The following PDCL3 variants were observed in gnomAD, a reference collection of about 807,000 sequenced individuals.
PDCL3 encodes phosducin-like protein 3.
A neutral mutation model predicts 26.5 loss-of-function variants in PDCL3; 22 were observed. That is an observed-to-expected ratio of 0.83 (90% CI 0.59 to 1.19). The LOEUF is 1.19. PDCL3 is among the 50% of genes most tolerant of loss of function. PDCL3 has a pLI of 0.00. For synonymous variants in PDCL3, 81 were observed against 104.9 expected, an observed-to-expected ratio of 0.77 and a Z score of 1.39; for missense variants, 246 against 294.1, an observed-to-expected ratio of 0.84 and a Z score of 1.20.
chr2:100,565,431 C>T (rs1355297628), intron 1 of PDCL3, among the ~76,000 whole-genome samples: 2 of 151,974 alleles, frequency 1.3e-5, no homozygotes, highest in Admixed American at 6.6e-5. Flanking sequence ...CCCGCCACCA[C>T]GCCCGGCTAA....
chr2:100,574,923 G>A (rs370278950), intron 5 of PDCL3, among the ~76,000 whole-genome samples: 27 of 152,234 alleles, frequency 1.8e-4, no homozygotes, highest in African/African-American at 5.3e-4. Flanking sequence ...GCAACATAGC[G>A]AGATCCCATG....
intron 5 of PDCL3, 86 bp downstream of exon 5, chr2:100,571,884 T>C (rs1357006871): frequency 1.5e-6 from 2 of 1,338,906 alleles, no homozygotes; most frequent in Non-Finnish European, 2.1e-6. Context: ...GGACTCCTGT[T>C]ACGATGGTGG....
chr2:100,568,001 G>C (rs891449509), intron 2 of PDCL3, among the ~76,000 whole-genome samples: 2 of 151,926 alleles, frequency 1.3e-5, no homozygotes, highest in Non-Finnish European at 2.9e-5. Flanking sequence ...TTTTTGTAGC[G>C]ATGAGGTTTC....
chr2:100,567,310 A>T (rs941658026), intron 2 of PDCL3, among the ~76,000 whole-genome samples: 1 of 152,220 alleles, frequency 6.6e-6, no homozygotes, highest in African/African-American at 2.4e-5. Context: ...TTACTGCATG[A>T]TTATCATTGT....
At chr2:100,575,217 G>C (rs1372529962) in intron 5 of PDCL3, among the ~76,000 whole-genome samples, 1 of 152,146 alleles carries the variant, frequency 6.6e-6, no homozygotes, top group Non-Finnish European at 1.5e-5. Flanking sequence ...CTCACTGCAA[G>C]CTCCGCCTCC....
chr2:100,570,658 A>G (rs1022136316), intron 4 of PDCL3, among the ~76,000 whole-genome samples: 1 of 151,694 alleles, frequency 6.6e-6, no homozygotes, highest in African/African-American at 2.4e-5. Flanking sequence ...TTGTATTTTT[A>G]GTAGAGACGG....
At chr2:100,567,828 TTG>T (rs1030266705) in intron 2 of PDCL3, among the ~76,000 whole-genome samples, 17 of 149,986 alleles carry the variant, frequency 1.1e-4, no homozygotes, top group East Asian at 1.9e-4. Flanking sequence ...TTTCTCTTTT[TTG>T]TTTTTTTTTT....
chr2:100,571,114 CA>C lies in PDCL3; in HGVS notation c.369-458del, dbSNP rs59012685. ...GCAACGTGGTGAAACCCTGTCTTTA[CA>C]AAAAAAAAAAAAAAAAATCAGCTGG... On this transcript the variant is annotated intron_variant, in intron 4 of 5. Transcript: ENST00000264254. Among the ~76,000 whole-genome samples the C allele has an allele frequency of 2.6e-3, 288 of 109,062 alleles. 2 individuals carry two copies. Among genetic ancestry groups the C allele is most frequent in the Middle Eastern group, 9.4e-3 (2 of 212 alleles). 71.5% of individuals were successfully genotyped at this position (109,062 alleles called of 152,430 possible).
chr2:100,572,909 G>C (rs1675207710), intron 5 of PDCL3, among the ~76,000 whole-genome samples: 1 of 151,576 alleles, frequency 6.6e-6, no homozygotes, highest in South Asian at 2.1e-4. Flanking sequence ...TTTTGAGATG[G>C]AGTTTTGCTC....
In PDCL3 at chr2:100,569,037, A is replaced by G; in HGVS notation, c.224+16A>G. On this transcript the variant is annotated intron_variant, in intron 3 of 5. Transcript: ENST00000264254. Reference sequence around the variant, plus strand: ...AAATGTACAGGTAAGCGCCACCCAGAGGGGCTGTTTGTTTTTTTGTTGTTG... The same window carrying G: ...AAATGTACAGGTAAGCGCCACCCAGGGGGGCTGTTTGTTTTTTTGTTGTTG... 6.3e-7 allele frequency: 1 copy of G among 1,586,656 alleles called. No individual in the cohort carries two copies. The highest frequency in any genetic ancestry group is 1.9e-5 in the Admixed American group (1 of 52,138).
intron 2 of PDCL3, among the ~76,000 whole-genome samples, 176 bp from the exon 3 acceptor site, chr2:100,568,755 A>G (rs1239731473): frequency 6.6e-6 from 1 of 152,100 alleles, no homozygotes; most frequent in Non-Finnish European, 1.5e-5. Flanking sequence ...GTGAGCCACC[A>G]TGCCTGGCCT....
Position 100,562,996 on chromosome 2 carries a change from C to G in PDCL3, c.-72C>G. The G allele has an allele frequency of 6.4e-7, 1 of 1,561,456 alleles. No individual in the cohort carries two copies. Among genetic ancestry groups the G allele is most frequent in the Non-Finnish European group, 8.7e-7 (1 of 1,152,778 alleles). On this transcript the variant is annotated 5_prime_UTR_variant, in exon 1 of 6. Coordinates refer to ENST00000264254, the MANE Select transcript of PDCL3 (RefSeq NM_024065.5). ...GGAAGAGGCGTGGCGGCGCTGTGCG[C>G]GTGCACAAAAGAGAGCTGAGGGGCG...
chr2:100,574,904 C>A (rs1416690536), intron 5 of PDCL3, among the ~76,000 whole-genome samples: 1 of 152,136 alleles, frequency 6.6e-6, no homozygotes, highest in Admixed American at 6.6e-5. Flanking sequence ...GAGTTTGAGA[C>A]CAGCCTGGGC....
chr2:100,572,175 C>T (rs1675191153), intron 5 of PDCL3: 1 of 231,146 alleles, frequency 4.3e-6, no homozygotes, highest in South Asian at 6.6e-5. Context: ...CAGAAACATT[C>T]TCAGTTGAGT....
chr2:100,566,322 G>C (rs1487257388), intron 1 of PDCL3, among the ~76,000 whole-genome samples, 181 bp from the exon 2 acceptor site: 1 of 152,164 alleles, frequency 6.6e-6, no homozygotes, highest in Non-Finnish European at 1.5e-5. Context: ...TCCATTCAGG[G>C]AGGGGTAGAC....
At chr2:100,566,183 G>A (rs1675056336) in intron 1 of PDCL3, among the ~76,000 whole-genome samples, 3 of 150,166 alleles carry the variant, frequency 2.0e-5, no homozygotes, top group South Asian at 2.2e-4. Context: ...GATTACAGGC[G>A]TGAGCCACTG....
intron 4 of PDCL3, among the ~76,000 whole-genome samples, chr2:100,570,325 C>G (rs1156393203): frequency 6.6e-6 from 1 of 152,142 alleles, no homozygotes; most frequent in Non-Finnish European, 1.5e-5. Context: ...GACATTTCAA[C>G]ATTCTATGTA....
chr2:100,566,239 A>C (rs1233512982), intron 1 of PDCL3, among the ~76,000 whole-genome samples: 1 of 152,178 alleles, frequency 6.6e-6, no homozygotes, highest in African/African-American at 2.4e-5. Context: ...ACACATGCCA[A>C]GTCAGAGCCT....
At chr2:100,572,892 T>A (rs1464702343) in intron 5 of PDCL3, among the ~76,000 whole-genome samples, 7 of 151,962 alleles carry the variant, frequency 4.6e-5, no homozygotes, top group Non-Finnish European at 1.0e-4. Context: ...TGTTTGATTG[T>A]TTGTTTTTTT....
Sources: gnomAD v4.1 joint callset for allele counts (sites outside exome capture counted in the v4.1 genomes callset) on GRCh38, gnomAD v4.1.1 for gene constraint, MANE v1.5 for transcripts, NCBI Gene and HGNC (gene_info 2026-07-23, HGNC 2026-07-21) for gene names.